Variants in UNC5D observed in about 807,000 individuals in gnomAD.
UNC5D encodes the protein unc-5 netrin receptor D.
Under a neutral mutation model 105.4 loss-of-function variants are expected in UNC5D, and 39 were observed. The ratio of observed to expected loss-of-function variants is 0.37; its 90% CI spans 0.29 to 0.48. The LOEUF (loss-of-function observed/expected upper bound fraction) is 0.48, where lower values mean the gene tolerates loss of function less well. UNC5D is among the 20% of genes least tolerant of loss of function. The pLI is 0.98. For missense variants in UNC5D, 991 were observed against 1,202.4 expected (o/e 0.82, Z 2.60); for synonymous variants, 452 against 450.4 (o/e 1.00, Z -0.04).
chr8:35,788,661 T>G (rs1318316786), intron 16 of UNC5D, among the ~76,000 whole-genome samples: 2 of 151,702 alleles, frequency 1.3e-5, no homozygotes, highest in Non-Finnish European at 2.9e-5. Flanking sequence ...ACCCTTCAGG[T>G]GTTTGTGGTC....
At chr8:35,525,313 A>G in intron 1 of UNC5D, 1 of 1,612,196 alleles carries the variant, frequency 6.2e-7, no homozygotes, top group South Asian at 1.1e-5. Context: ...TTGCCTTTAC[A>G]GTTTTCCACT....
chr8:35,659,319 A>T (rs1823975226), intron 4 of UNC5D, among the ~76,000 whole-genome samples: 1 of 152,196 alleles, frequency 6.6e-6, no homozygotes, highest in Non-Finnish European at 1.5e-5. Flanking sequence ...GACAATATAG[A>T]AAGTAAAGTG....
chr8:35,341,819 A>G (rs943646878), intron 1 of UNC5D, among the ~76,000 whole-genome samples: 6 of 152,168 alleles, frequency 3.9e-5, no homozygotes, highest in Non-Finnish European at 7.4e-5. Context: ...ATTCTGTTTC[A>G]TAAGACACAC....
chr8:35,459,590 TAAG>T (rs1808744384), intron 1 of UNC5D, among the ~76,000 whole-genome samples: 1 of 152,162 alleles, frequency 6.6e-6, no homozygotes, highest in Admixed American at 6.6e-5. Flanking sequence ...AGGGAAGAAT[TAAG>T]AAGATTCATA....
chr8:35,569,057 A>G (rs937143553), intron 3 of UNC5D, among the ~76,000 whole-genome samples: 3 of 152,156 alleles, frequency 2.0e-5, no homozygotes, highest in African/African-American at 7.2e-5. Context: ...GACTAAAAAA[A>G]AAAAAAAAAA....
intron 1 of UNC5D, among the ~76,000 whole-genome samples, chr8:35,536,622 C>G (rs1814862284): frequency 6.6e-6 from 1 of 152,168 alleles, no homozygotes. Context: ...GATAGTGAAA[C>G]TCATCTCTTG....
intron 1 of UNC5D, among the ~76,000 whole-genome samples, chr8:35,359,435 G>A (rs566064226): frequency 3.9e-5 from 6 of 152,164 alleles, no homozygotes; most frequent in South Asian, 2.1e-4. Context: ...ATCTTTATTC[G>A]TGGACCATCA....
At chr8:35,708,607 T>G (rs1827748971) in intron 8 of UNC5D, among the ~76,000 whole-genome samples, 1 of 152,178 alleles carries the variant, frequency 6.6e-6, no homozygotes, top group African/African-American at 2.4e-5. Context: ...TAAGACTCCT[T>G]GGAGGCTTGG....
At chr8:35,484,222 A>G (rs1257841333) in intron 1 of UNC5D, among the ~76,000 whole-genome samples, 2 of 152,088 alleles carry the variant, frequency 1.3e-5, no homozygotes, top group Non-Finnish European at 1.5e-5. Context: ...AGAAACAACA[A>G]CAGTAGCCCC....
chr8:35,500,635 ATTATAG>A (rs928802707), intron 1 of UNC5D, among the ~76,000 whole-genome samples: 1 of 152,158 alleles, frequency 6.6e-6, no homozygotes, highest in African/African-American at 2.4e-5. Flanking sequence ...TACTCGTCAC[ATTATAG>A]TTTAACCCAC....
intron 1 of UNC5D, among the ~76,000 whole-genome samples, chr8:35,345,861 G>T (rs1285389137): frequency 6.6e-6 from 1 of 151,932 alleles, no homozygotes; most frequent in Non-Finnish European, 1.5e-5. Flanking sequence ...TTAAGGTAAA[G>T]CAGAGTCATC....
intron 3 of UNC5D, among the ~76,000 whole-genome samples, chr8:35,572,804 CT>C (rs34528421): frequency 1.5e-3 from 207 of 135,838 alleles, no homozygotes; most frequent in Admixed American, 2.4e-3. Context: ...TTTTATATTT[CT>C]TTTTTTTTTT....
chr8:35,369,196 A>G (rs1802295055), intron 1 of UNC5D, among the ~76,000 whole-genome samples: 1 of 152,194 alleles, frequency 6.6e-6, no homozygotes, highest in South Asian at 2.1e-4. Context: ...CCTATCTCTC[A>G]GGTAGTGTCT....
intron 7 of UNC5D, among the ~76,000 whole-genome samples, chr8:35,701,051 CA>C (rs1203788814): frequency 6.6e-6 from 1 of 152,016 alleles, no homozygotes; most frequent in East Asian, 1.9e-4. Flanking sequence ...TTATGACAAA[CA>C]AAATAATTAA....
At chr8:35,260,350 T>C (rs1374699461) in intron 1 of UNC5D, among the ~76,000 whole-genome samples, 1 of 152,176 alleles carries the variant, frequency 6.6e-6, no homozygotes, top group African/African-American at 2.4e-5. Context: ...ATAGAAAAGA[T>C]CTACTGACTC....
intron 1 of UNC5D, among the ~76,000 whole-genome samples, chr8:35,488,267 G>A (rs1178256634): frequency 6.6e-6 from 1 of 152,156 alleles, no homozygotes; most frequent in African/African-American, 2.4e-5. Flanking sequence ...CTGCTACCTG[G>A]GACTAAAGGT....
At chr8:35,639,036 A>G (rs79116085) in intron 4 of UNC5D, among the ~76,000 whole-genome samples, 1 of 152,226 alleles carries the variant, frequency 6.6e-6, no homozygotes, top group Non-Finnish European at 1.5e-5. Context: ...ATAGTTAAGT[A>G]TATCTTTCCC....
At chr8:35,375,645 TGA>T (rs759688067) in intron 1 of UNC5D, among the ~76,000 whole-genome samples, 1 of 152,196 alleles carries the variant, frequency 6.6e-6, no homozygotes, top group Non-Finnish European at 1.5e-5. Flanking sequence ...CACCAACATT[TGA>T]GAGAAAGCAA....
At chr8:35,352,165 C>G (rs1432960116) in intron 1 of UNC5D, among the ~76,000 whole-genome samples, 1 of 152,010 alleles carries the variant, frequency 6.6e-6, no homozygotes. Context: ...TATTAGATAA[C>G]TAATCATTAA....
Sources: allele counts gnomAD v4.1 joint callset (sites outside exome capture counted in the v4.1 genomes callset), GRCh38; gene constraint gnomAD v4.1.1; transcripts MANE v1.5; gene names NCBI Gene and HGNC (gene_info 2026-07-23, HGNC 2026-07-21).